Variants in DNM2 observed in about 807,000 individuals in gnomAD.
DNM2 encodes the protein dynamin 2.
DNM2 carries 15 observed loss-of-function variants against 99.0 expected under a neutral mutation model. The ratio of observed to expected loss-of-function variants is 0.15; its 90% CI spans 0.10 to 0.23. The LOEUF (loss-of-function observed/expected upper bound fraction) is 0.23. Ranked by LOEUF, DNM2 falls within the 10% of genes least tolerant of loss-of-function variation. DNM2 has a pLI of 1.00. For synonymous variants in DNM2, 525 were observed against 481.2 expected, an observed-to-expected ratio of 1.09 and a Z score of -1.19; for missense variants, 742 against 1,189.4, an observed-to-expected ratio of 0.62 and a Z score of 5.53.
intron 7 of DNM2, 91 bp downstream of exon 7, chr19:10,786,797 C>G: frequency 6.3e-7 from 1 of 1,582,896 alleles, no homozygotes; most frequent in Non-Finnish European, 8.6e-7. Context: ...ACTCATCACT[C>G]GTCCACTCAT....
chr19:10,791,534 C>T (rs1264998853), intron 7 of DNM2, among the ~76,000 whole-genome samples: 1 of 151,522 alleles, frequency 6.6e-6, no homozygotes, highest in Non-Finnish European at 1.5e-5. Flanking sequence ...ACCCGAATTC[C>T]GCGGGACACC....
In DNM2 at chr19:10,812,790, A is replaced by G. The variant is rs1397100903; in HGVS notation, c.1671+413A>G. On this transcript the variant is annotated intron_variant, in intron 15 of 20. Coordinates refer to ENST00000389253, the MANE Select transcript of DNM2 (RefSeq NM_001005361.3). The surrounding 1 kb of genome is among the most constrained non-coding windows in gnomAD (Gnocchi z 4.0). ...CGAGAGAGCGAGACTCCATCTCAAA[A>G]TAAACAAACAAACAAACAAAAAACA... Among the ~76,000 whole-genome samples, 2 of 152,170 alleles carry G rather than the reference A, an allele frequency of 1.3e-5. No individual in the cohort carries two copies. The highest frequency in any genetic ancestry group is 2.9e-5 in the Non-Finnish European group (2 of 68,012).
In DNM2 at chr19:10,797,451, C is replaced by T; in HGVS notation, c.1268C>T (p.Pro423Leu). ...AAACAGATTGTAAAACTCAAAGAGCCGAGTTTGAAGTGTGTTGATCTCGTG... is the reference window on the plus strand; with the variant it reads ...AAACAGATTGTAAAACTCAAAGAGCTGAGTTTGAAGTGTGTTGATCTCGTG... ...VKKQIVKLKEPSLKCVDLVVS... is the reference protein window; with the variant it reads ...VKKQIVKLKELSLKCVDLVVS... The change falls in exon 10 of 21, where the codon CCG becomes CTG. Residue 423 changes from proline (P) to leucine (L), a missense_variant. Transcript: ENST00000389253. 4 of 1,614,008 alleles carry T rather than the reference C, an allele frequency of 2.5e-6. No individual in the cohort carries two copies. Among genetic ancestry groups the T allele is most frequent in the Non-Finnish European group, 3.4e-6 (4 of 1,179,992 alleles).
rs200843089 is a variant in DNM2 at position 10,823,781 on chromosome 19, C to A, written c.1782-7C>A. On this transcript the variant is annotated splice_polypyrimidine_tract_variant and splice_region_variant and intron_variant, in intron 16 of 20. Coordinates refer to ENST00000389253, the MANE Select transcript of DNM2 (RefSeq NM_001005361.3). ...GCTTGTGCCCCTCCTTCCCCACCCC[C>A]CCGCAGAAACGTCTACAAGGACCTG... is the stretch of plus-strand genomic sequence containing the variant. The A allele has an allele frequency of 1.3e-4, 204 of 1,613,500 alleles. No individual in the cohort carries two copies. Among genetic ancestry groups the A allele is most frequent in the Non-Finnish European group, 1.7e-4 (195 of 1,179,672 alleles).
At chr19:10,754,473 GATCTGCTGACCTCATA>G (rs892386929) in intron 1 of DNM2, among the ~76,000 whole-genome samples, 13 of 152,020 alleles carry the variant, frequency 8.6e-5, no homozygotes, top group African/African-American at 3.1e-4. Flanking sequence ...GGATGGTCTT[GATCTGCTGACCTCATA>G]ATCTGCCCGC....
intron 2 of DNM2, among the ~76,000 whole-genome samples, chr19:10,769,827 C>G (rs1032603520): frequency 6.6e-6 from 1 of 152,192 alleles, no homozygotes; most frequent in African/African-American, 2.4e-5. Context: ...AGTGCCTGTG[C>G]TGGACACGGT....
chr19:10,791,553 G>A (rs977997358), intron 7 of DNM2, among the ~76,000 whole-genome samples: 1 of 134,754 alleles, frequency 7.4e-6, no homozygotes, highest in Non-Finnish European at 1.5e-5. Context: ...CCGACCAGCC[G>A]GTCACAATTG....
At chr19:10,730,531 C>T (rs1200443238) in intron 1 of DNM2, among the ~76,000 whole-genome samples, 2 of 152,058 alleles carry the variant, frequency 1.3e-5, no homozygotes, top group East Asian at 3.9e-4. Flanking sequence ...ACTGCACAGT[C>T]ATGGAGGGGA....
At position 10,820,729 on chromosome 19, in the gene DNM2, C is replaced by T. The variant is rs758476343; in HGVS notation, c.1781+640C>T. Among the ~76,000 whole-genome samples the T allele has an allele frequency of 8.5e-5, 13 of 152,154 alleles. No homozygotes were observed. The highest frequency in any genetic ancestry group is 1.9e-4 in the Non-Finnish European group (13 of 68,032). On this transcript the variant is annotated intron_variant, in intron 16 of 20. Transcript: ENST00000389253. This position sits in a 1 kb window ranked among gnomAD's most constrained non-coding sequence, Gnocchi z 4.3. ...GCATCAGGGAGGCACCTGGGTAGAT[C>T]GAGGAGTGTGATGTCCAGGAACGAG...
At chr19:10,798,037 G>A (rs1285210008) in intron 10 of DNM2, among the ~76,000 whole-genome samples, 1 of 152,136 alleles carries the variant, frequency 6.6e-6, no homozygotes, top group Admixed American at 6.6e-5. Flanking sequence ...CAGTGATCAG[G>A]AGTGGTTCTC....
intron 1 of DNM2, among the ~76,000 whole-genome samples, chr19:10,726,575 T>C (rs2145685638): frequency 6.6e-6 from 1 of 152,150 alleles, no homozygotes; most frequent in Non-Finnish European, 1.5e-5. Context: ...TAATTGGCCG[T>C]GAGAGTTATT....
chr19:10,756,022 C>A (rs2070370548), intron 1 of DNM2, among the ~76,000 whole-genome samples: 1 of 152,154 alleles, frequency 6.6e-6, no homozygotes, highest in African/African-American at 2.4e-5. Flanking sequence ...CAGGTCCCTA[C>A]CTGTGAGCTA....
chr19:10,788,268 C>T (rs929613706), intron 7 of DNM2, among the ~76,000 whole-genome samples: 5 of 148,752 alleles, frequency 3.4e-5, no homozygotes, highest in Non-Finnish European at 7.4e-5. Context: ...GAGTGTCAGG[C>T]GAAGACCTGA....
Position 10,718,197 on chromosome 19 carries a change from G to A in DNM2, c.-46G>A. 2.1e-6 allele frequency: 3 copies of A among 1,397,058 alleles called. No individual in the cohort carries two copies. The highest frequency in any genetic ancestry group is 1.5e-5 in the African/African-American group (1 of 66,384). 86.5% of individuals were successfully genotyped at this position (1,397,058 alleles called of 1,614,324 possible). On this transcript the variant is annotated 5_prime_UTR_variant, in exon 1 of 21. Coordinates refer to ENST00000389253, the MANE Select transcript of DNM2 (RefSeq NM_001005361.3). ...CGGGGCCAGGTCGTTGAGGGTCGGC[G>A]GCGGGCGAGGAGCGCAGGGCGCTCG...
intron 7 of DNM2, among the ~76,000 whole-genome samples, chr19:10,788,348 TG>T (rs1343283912): frequency 6.6e-6 from 1 of 152,034 alleles, no homozygotes; most frequent in Non-Finnish European, 1.5e-5. Context: ...GGGGCAGGAC[TG>T]GGCCGGGCAT....
At chr19:10,828,879 T>C (rs1344499121) in intron 18 of DNM2, 157 bp from the exon 19 acceptor site, 2 of 725,716 alleles carry the variant, frequency 2.8e-6, no homozygotes, top group African/African-American at 3.5e-5. Context: ...GAGCTGAAAT[T>C]GAGCCACTGT....
chr19:10,752,569 G>A (rs1018754528), intron 1 of DNM2, among the ~76,000 whole-genome samples: 2 of 152,230 alleles, frequency 1.3e-5, no homozygotes, highest in African/African-American at 4.8e-5. Context: ...TTACTGGAGG[G>A]TCTGCCTAAG....
At chr19:10,779,510 T>C (rs990193915) in intron 5 of DNM2, among the ~76,000 whole-genome samples, 1 of 123,794 alleles carries the variant, frequency 8.1e-6, no homozygotes, top group Non-Finnish European at 1.7e-5. Context: ...TTCTTTTTTT[T>C]TTTTTTTTTT....
At chr19:10,759,227 C>A (rs1426139783) in intron 1 of DNM2, among the ~76,000 whole-genome samples, 1 of 152,184 alleles carries the variant, frequency 6.6e-6, no homozygotes, top group Non-Finnish European at 1.5e-5. Context: ...ACATTTTCAT[C>A]ACCCCAGAAA....
Sources: allele counts gnomAD v4.1 joint callset (sites outside exome capture counted in the v4.1 genomes callset), GRCh38; gene constraint gnomAD v4.1.1; non-coding constraint Gnocchi (gnomAD v3.1); transcripts MANE v1.5; gene names NCBI Gene and HGNC (gene_info 2026-07-23, HGNC 2026-07-21).